Variants in DHRSX observed in about 807,000 individuals in gnomAD.
DHRSX encodes the protein polyprenol dehydrogenase.
Under a neutral mutation model 34.0 loss-of-function variants are expected in DHRSX, and 31 were observed. That is an observed-to-expected ratio of 0.91 (90% confidence interval 0.69 to 1.23). The LOEUF is 1.23. Ranked by LOEUF, DHRSX falls within the 50% of genes most tolerant of loss-of-function variation. DHRSX has a pLI of 0.00. For synonymous variants in DHRSX, 201 were observed against 183.8 expected (o/e 1.09, Z -0.76); for missense variants, 414 against 428.1 (o/e 0.97, Z 0.29).
chrX:2,392,560 ATAT>A (rs2124622456), intron 3 of DHRSX: 1 of 184,660 alleles, frequency 5.4e-6, no homozygotes, highest in East Asian at 1.6e-4. Context: ...TATGTATTAT[ATAT>A]TATATGTTAC....
intron 3 of DHRSX, among the ~76,000 whole-genome samples, chrX:2,406,126 T>C (rs2043551907): frequency 6.6e-6 from 1 of 151,984 alleles, no homozygotes; most frequent in Non-Finnish European, 1.5e-5. Context: ...ACCCCGTCTC[T>C]ATTAAAAATA....
At chrX:2,438,297 C>T (rs1043423197) in intron 1 of DHRSX, among the ~76,000 whole-genome samples, 10 of 103,520 alleles carry the variant, frequency 9.7e-5, no homozygotes, top group African/African-American at 3.3e-4. Flanking sequence ...TTACACATTA[C>T]AGAATGCATA....
chrX:2,401,315 T>C (rs745387930), intron 3 of DHRSX, among the ~76,000 whole-genome samples: 2 of 152,288 alleles, frequency 1.3e-5, no homozygotes, highest in African/African-American at 4.8e-5. Flanking sequence ...TTCACCGTGT[T>C]GGCCAGGCTG....
intron 4 of DHRSX, among the ~76,000 whole-genome samples, chrX:2,273,710 G>C (rs184465569): frequency 2.7e-4 from 41 of 152,332 alleles, no homozygotes; most frequent in African/African-American, 9.9e-4. Context: ...CCTTCCAGGT[G>C]TAAGTCAGAA....
chrX:2,225,095 GCA>G (rs1167072350), intron 6 of DHRSX, among the ~76,000 whole-genome samples: 1 of 143,874 alleles, frequency 7.0e-6, no homozygotes, highest in Non-Finnish European at 1.5e-5. Flanking sequence ...TCATTCACAT[GCA>G]CACAGCTCAC....
intron 1 of DHRSX, among the ~76,000 whole-genome samples, chrX:2,449,058 G>A (rs898991386): frequency 9.9e-5 from 15 of 152,078 alleles, no homozygotes; most frequent in African/African-American, 2.7e-4. Flanking sequence ...GTGTGGTGGC[G>A]GGCGCCTGTA....
intron 1 of DHRSX, among the ~76,000 whole-genome samples, chrX:2,482,967 T>C (rs1023762674): frequency 2.6e-5 from 4 of 152,192 alleles, no homozygotes; most frequent in African/African-American, 9.7e-5. Flanking sequence ...GGCTACCCTC[T>C]TTCTTTCATG....
intron 1 of DHRSX, among the ~76,000 whole-genome samples, chrX:2,495,609 C>T (rs1267455980): frequency 2.1e-5 from 3 of 144,780 alleles, no homozygotes; most frequent in African/African-American, 4.9e-5. Flanking sequence ...CCTGAACCCA[C>T]GTAACAGCCA....
chrX:2,248,052 C>T (rs1267363740), intron 5 of DHRSX, among the ~76,000 whole-genome samples: 2 of 152,140 alleles, frequency 1.3e-5, no homozygotes, highest in African/African-American at 4.8e-5. Flanking sequence ...AATCCCGGCA[C>T]TTTGGGAGGC....
At chrX:2,356,066 C>CAAA (rs33996876) in intron 3 of DHRSX, among the ~76,000 whole-genome samples, 93 of 112,008 alleles carry the variant, frequency 8.3e-4, no homozygotes, top group African/African-American at 1.5e-3. Flanking sequence ...GACTCCGTCT[C>CAAA]AAAAAAAAAA....
chrX:2,434,626 G>C (rs889370830), intron 1 of DHRSX, among the ~76,000 whole-genome samples: 3 of 152,178 alleles, frequency 2.0e-5, no homozygotes, highest in Admixed American at 6.5e-5. Context: ...AGCTATGATT[G>C]CACCACTGCA....
chrX:2,363,407 G>A (rs1374370288), intron 3 of DHRSX, among the ~76,000 whole-genome samples: 2 of 136,892 alleles, frequency 1.5e-5, no homozygotes, highest in Non-Finnish European at 3.1e-5. Context: ...ACTGTTCTAT[G>A]GTATCATGCC....
chrX:2,314,493 GGTAAAGGAGGT>G (rs2042218307), intron 3 of DHRSX, among the ~76,000 whole-genome samples: 2 of 112,462 alleles, frequency 1.8e-5, no homozygotes, highest in African/African-American at 3.3e-5. Context: ...AAGGAAGGGA[GGTAAAGGAGGT>G]AAGGGAGGGA....
chrX:2,483,496 T>A (rs1464822159), intron 1 of DHRSX, among the ~76,000 whole-genome samples: 1 of 152,082 alleles, frequency 6.6e-6, no homozygotes, highest in East Asian at 1.9e-4. Flanking sequence ...CTCAAACTCC[T>A]GGGCTCAAGC....
intron 1 of DHRSX, chrX:2,489,667 G>A: frequency 4.3e-6 from 7 of 1,612,440 alleles, no homozygotes; most frequent in Non-Finnish European, 5.9e-6. Flanking sequence ...CCCACCAGGA[G>A]ACGCGGTTGC....
intron 3 of DHRSX, among the ~76,000 whole-genome samples, chrX:2,353,446 G>T (rs1244517886): frequency 6.6e-6 from 1 of 152,080 alleles, no homozygotes; most frequent in Non-Finnish European, 1.5e-5. Flanking sequence ...GAGACCCAAG[G>T]TTCCATTTGC....
In DHRSX at chrX:2,266,892, G is replaced by T. The variant is rs200644172; in HGVS notation, c.444C>A (p.Phe148Leu). The change falls in exon 5 of 7, where the codon TTC becomes TTA. Residue 148 changes from phenylalanine (F) to leucine (L), a missense_variant. Transcript: ENST00000334651. ...GGAAGTGCCCTAGGTAGTTCAGGCC[G>T]AAATGTTCTTCGAATCCATCTCTGG... is the stretch of plus-strand genomic sequence containing the variant. Reference protein sequence around the residue: ...RKTRDGFEEHFGLNYLGHFLL... With the variant: ...RKTRDGFEEHLGLNYLGHFLL... 1 of 1,613,978 alleles carries T rather than the reference G, an allele frequency of 6.2e-7. No individual in the cohort carries two copies. The highest frequency in any genetic ancestry group is 1.3e-5 in the African/African-American group (1 of 75,056).
intron 1 of DHRSX, among the ~76,000 whole-genome samples, chrX:2,431,792 A>AT (rs2043926786): frequency 6.6e-6 from 1 of 152,120 alleles, no homozygotes; most frequent in Non-Finnish European, 1.5e-5. Flanking sequence ...TTGGAAAACT[A>AT]TTGAGTGCTG....
chrX:2,498,813 C>T (rs923132520), intron 1 of DHRSX, among the ~76,000 whole-genome samples: 15 of 152,100 alleles, frequency 9.9e-5, no homozygotes, highest in Admixed American at 9.2e-4. Flanking sequence ...TAATCTTCTG[C>T]GAGACTCCAC....
Sources: allele counts gnomAD v4.1 joint callset (sites outside exome capture counted in the v4.1 genomes callset), GRCh38; gene constraint gnomAD v4.1.1; transcripts MANE v1.5; gene names NCBI Gene and HGNC (gene_info 2026-07-23, HGNC 2026-07-21).